Variants in SGK1 observed in about 807,000 individuals in gnomAD.
SGK1 encodes the protein serum/glucocorticoid regulated kinase 1.
Under a neutral mutation model 64.2 loss-of-function variants are expected in SGK1, and 26 were observed. The ratio of observed to expected loss-of-function variants is 0.40; its 90% CI spans 0.30 to 0.56. SGK1 has a LOEUF of 0.56. SGK1 is among the 20% of genes least tolerant of loss of function. SGK1 has a pLI of 0.38. For synonymous variants in SGK1, 265 were observed against 239.7 expected (o/e 1.11, Z -0.98); for missense variants, 519 against 645.6 (o/e 0.80, Z 2.12).
chr6:134,265,988 T>G (rs974910910), intron 1 of SGK1, among the ~76,000 whole-genome samples: 8 of 151,382 alleles, frequency 5.3e-5, no homozygotes, highest in East Asian at 4.0e-4. Context: ...TTTATTCATT[T>G]ATTTATATTT....
intron 1 of SGK1, among the ~76,000 whole-genome samples, chr6:134,262,672 C>T (rs1181099933): frequency 6.6e-6 from 1 of 151,974 alleles, no homozygotes; most frequent in East Asian, 1.9e-4. Flanking sequence ...GCACTCCAGC[C>T]TGGGTGACAG....
Position 134,229,703 on chromosome 6 carries a change from G to A in SGK1, c.286-22272C>T, listed in dbSNP as rs543977049. On this transcript the variant is annotated intron_variant, in intron 2 of 13. Transcript: ENST00000367858. ...TCAGGTGGGTTCTTTCAGAAAATGCGCATGCATATACATGAATATATCTGC... is the reference window on the plus strand; with the variant it reads ...TCAGGTGGGTTCTTTCAGAAAATGCACATGCATATACATGAATATATCTGC... Among the ~76,000 whole-genome samples, 137 of 152,240 alleles carry A rather than the reference G, an allele frequency of 9.0e-4. No individual in the cohort carries two copies. The Middle Eastern group carries it at 0.017, about 19-fold the overall frequency.
In SGK1 at chr6:134,178,638, T is replaced by C. The variant is rs549372185; in HGVS notation, c.362-4052A>G. Among the ~76,000 whole-genome samples the C allele has an allele frequency of 3.9e-5, 6 of 152,314 alleles. No homozygotes were observed. The South Asian group carries it at 1.2e-3, about 32-fold the overall frequency. ...TCCGAGTAGCCTCCCGAACTGTTTGTAAATGCAACCTAGAGGGCGATCGAG... is the reference window on the plus strand; with the variant it reads ...TCCGAGTAGCCTCCCGAACTGTTTGCAAATGCAACCTAGAGGGCGATCGAG... On this transcript the variant is annotated intron_variant, in intron 3 of 13. Coordinates refer to ENST00000367858, the MANE Select transcript of SGK1 (RefSeq NM_001143676.3).
chr6:134,310,267 T>C (rs1003435352), intron 1 of SGK1, among the ~76,000 whole-genome samples: 4 of 152,170 alleles, frequency 2.6e-5, no homozygotes, highest in Non-Finnish European at 5.9e-5. Flanking sequence ...TCAAAATCCC[T>C]CCCAAGCACT....
intron 10 of SGK1, 62 bp downstream of exon 10, chr6:134,172,131 A>G: frequency 6.3e-7 from 1 of 1,589,180 alleles, no homozygotes; most frequent in Non-Finnish European, 8.6e-7. Flanking sequence ...TAAGTGCATG[A>G]TTGTACATCT....
Position 134,303,488 on chromosome 6 carries a change from A to C in SGK1, c.69+13904T>G, listed in dbSNP as rs572532034. ...CGGAAACAATTTAGTTAAGAGGCCA[A>C]CACTGTTTGTCTGATCTCGTATTAG... is the stretch of plus-strand genomic sequence containing the variant. On this transcript the variant is annotated intron_variant, in intron 1 of 13. Transcript: ENST00000367858. 2.8e-4 allele frequency among the ~76,000 whole-genome samples: 42 copies of C among 152,234 alleles called. No homozygotes were observed. The East Asian group carries it at 7.9e-3, about 29-fold the overall frequency.
intron 3 of SGK1, among the ~76,000 whole-genome samples, chr6:134,188,741 T>A (rs996476788): frequency 6.8e-6 from 1 of 148,034 alleles, no homozygotes; most frequent in Non-Finnish European, 1.5e-5. Flanking sequence ...CCTGGCCAAC[T>A]TTTTTTTTTG....
intron 2 of SGK1, among the ~76,000 whole-genome samples, chr6:134,208,541 T>TCC (rs1239027305): frequency 6.6e-6 from 1 of 152,060 alleles, no homozygotes; most frequent in African/African-American, 2.4e-5. Flanking sequence ...CTGTCACCCT[T>TCC]CCCCTTGAGT....
intron 2 of SGK1, among the ~76,000 whole-genome samples, chr6:134,229,534 GAATAT>G (rs1174088477): frequency 6.6e-6 from 1 of 152,104 alleles, no homozygotes; most frequent in Non-Finnish European, 1.5e-5. Context: ...GGAAATGAAT[GAATAT>G]ATTTTCTGAA....
At position 134,171,102 on chromosome 6, in the gene SGK1, A is replaced by T. The variant is rs778816776; in HGVS notation, c.1244T>A (p.Ile415Asn). Reference sequence around the variant, plus strand: ...CAGGAGGTGTCTTGCGGAATTTGTAATATTTGGTTTCAGCTGGAGAGGCTT... The same window carrying T: ...CAGGAGGTGTCTTGCGGAATTTGTATTATTTGGTTTCAGCTGGAGAGGCTT... ...LNKPLQLKPN[I>N]TNSARHLLEG... The change falls in exon 12 of 14, where the codon ATT becomes AAT. Residue 415 changes from isoleucine to asparagine, a missense_variant. This residue lies in a region of SGK1 where 278 missense variants were observed against 408.7 expected (regional missense o/e 0.68). Coordinates refer to ENST00000367858, the MANE Select transcript of SGK1 (RefSeq NM_001143676.3). 8.1e-6 allele frequency: 13 copies of T among 1,614,120 alleles called. No homozygotes were observed. Among genetic ancestry groups the T allele is most frequent in the Non-Finnish European group, 1.1e-5 (13 of 1,180,028 alleles).
intron 1 of SGK1, among the ~76,000 whole-genome samples, chr6:134,313,348 C>A (rs552634359): frequency 6.6e-6 from 1 of 152,146 alleles, no homozygotes; most frequent in East Asian, 1.9e-4. Flanking sequence ...CTGCAAACAA[C>A]CAACCAACCA....
chr6:134,240,030 G>A (rs942005199), intron 2 of SGK1, among the ~76,000 whole-genome samples: 16 of 152,070 alleles, frequency 1.1e-4, no homozygotes, highest in South Asian at 4.1e-4. Context: ...AGTGGCTCAC[G>A]CCTGTAATCC....
chr6:134,233,711 G>A (rs1776323773), intron 2 of SGK1, among the ~76,000 whole-genome samples: 2 of 151,978 alleles, frequency 1.3e-5, no homozygotes, highest in Non-Finnish European at 2.9e-5. Context: ...TATAATTCAT[G>A]CAGAAATAGG....
intron 1 of SGK1, among the ~76,000 whole-genome samples, chr6:134,264,746 G>A (rs892607861): frequency 2.0e-5 from 3 of 151,802 alleles, no homozygotes; most frequent in African/African-American, 4.8e-5. Flanking sequence ...AGGCTCAAGC[G>A]ATCCTCCCAC....
chr6:134,208,384 T>A (rs1450111503), intron 2 of SGK1, among the ~76,000 whole-genome samples: 4 of 152,170 alleles, frequency 2.6e-5, no homozygotes, highest in Non-Finnish European at 4.4e-5. Context: ...TTTTCATTTT[T>A]AAAAAAATTT....
In SGK1 at chr6:134,170,892, G is replaced by A. The variant is rs926834099; in HGVS notation, c.1347C>T (p.Phe449=). The A allele has an allele frequency of 2.0e-5, 33 of 1,611,114 alleles. No individual in the cohort carries two copies. In the Admixed American group the frequency reaches 4.3e-4, roughly 21 times the overall value. ...DDFMEIKSHV[F]FSLINWDDLI... is the part of the protein sequence containing the mutation. ...GATCATCCCAGTTAATTAAGGAGAA[G>A]AAGACATGACTCTTAATCTCCATCT... is the stretch of plus-strand genomic sequence containing the variant. Residue 449 remains phenylalanine (F), a synonymous_variant, in exon 13 of 14, where the codon TTC becomes TTT. Coordinates refer to ENST00000367858, the MANE Select transcript of SGK1 (RefSeq NM_001143676.3).
chr6:134,215,370 C>T (rs1775962591), intron 2 of SGK1, among the ~76,000 whole-genome samples: 1 of 151,792 alleles, frequency 6.6e-6, no homozygotes, highest in African/African-American at 2.4e-5. Context: ...CTCACCTCAG[C>T]CTCCTAAAGT....
chr6:134,301,688 T>A (rs1447506450), intron 1 of SGK1, among the ~76,000 whole-genome samples: 2 of 152,084 alleles, frequency 1.3e-5, no homozygotes, highest in African/African-American at 4.8e-5. Flanking sequence ...CCTTCTGGGC[T>A]CAAGCGATCT....
At chr6:134,200,983 A>G (rs974549682) in intron 3 of SGK1, among the ~76,000 whole-genome samples, 1 of 152,128 alleles carries the variant, frequency 6.6e-6, no homozygotes, top group African/African-American at 2.4e-5. Context: ...TTGAATGAAA[A>G]TACTCCATTC....
Sources: allele counts gnomAD v4.1 joint callset (sites outside exome capture counted in the v4.1 genomes callset), GRCh38; gene constraint gnomAD v4.1.1; regional missense constraint gnomAD v4.1.1; transcripts MANE v1.5; gene names NCBI Gene and HGNC (gene_info 2026-07-23, HGNC 2026-07-21).